Variants in PKHD1 observed in about 807,000 individuals in gnomAD.
PKHD1 encodes the protein PKHD1 ciliary IPT domain containing fibrocystin/polyductin.
PKHD1 carries 291 observed loss-of-function variants against 412.0 expected under a neutral mutation model. The observed-to-expected ratio is 0.71, with a 90% confidence interval of 0.64 to 0.78. PKHD1 has a LOEUF of 0.78. PKHD1 is among the 30% of genes least tolerant of loss of function. PKHD1 has a pLI of 0.00. For synonymous variants in PKHD1, 1,777 were observed against 1,821.5 expected, an observed-to-expected ratio of 0.98 and a Z score of 0.62; for missense variants, 4,825 against 4,950.7, an observed-to-expected ratio of 0.97 and a Z score of 0.76.
chr6:52,033,218 G>A, intron 28 of PKHD1, 53 bp from the exon 29 acceptor site: 1 of 1,392,008 alleles, frequency 7.2e-7, no homozygotes, highest in Non-Finnish European at 1.0e-6. Flanking sequence ...AAGTAGGACT[G>A]ACTTAAGGGA....
chr6:51,989,901 GAGGAAGGAAGGAAGGAAGGA>G, intron 35 of PKHD1, among the ~76,000 whole-genome samples: 2 of 2,742 alleles, frequency 7.3e-4, no homozygotes, highest in Non-Finnish European at 6.5e-4. Flanking sequence ...AGGAAGGAGG[GAGGAAGGAAGGAAGGAAGGA>G]AGGAAGGAAG....
chr6:51,903,013 G>A lies in PKHD1; in HGVS notation c.6996+584C>T, dbSNP rs1781516417. ...GATAGTGAAGGTTTAAAAAGAAATT[G>A]GTATTGGAATCAAGTGAGACAAAAA... On this transcript the variant is annotated intron_variant, in intron 43 of 66. Transcript: ENST00000371117. Among the ~76,000 whole-genome samples the A allele has an allele frequency of 1.3e-5, 2 of 152,034 alleles. 1 individual carries two copies. Among genetic ancestry groups the A allele is most frequent in the Admixed American group, 1.3e-4 (2 of 15,248 alleles).
intron 35 of PKHD1, among the ~76,000 whole-genome samples, chr6:51,963,584 T>C (rs373671245): frequency 7.2e-5 from 11 of 152,246 alleles, no homozygotes; most frequent in Middle Eastern, 3.4e-3. Context: ...CACGTTGCCA[T>C]AAGAATTTTA....
intron 60 of PKHD1, among the ~76,000 whole-genome samples, chr6:51,666,478 T>C (rs1003856679): frequency 3.9e-5 from 6 of 152,310 alleles, no homozygotes; most frequent in East Asian, 1.9e-4. Flanking sequence ...CATAATTTCA[T>C]TGGTAGTTTA....
In PKHD1 at chr6:52,043,709, C is replaced by T. The variant is rs200915954; in HGVS notation, c.2737G>A (p.Val913Ile). The change falls in exon 26 of 67, where the codon GTA becomes ATA. Residue 913 changes from valine (V) to isoleucine (I), a missense_variant. Transcript: ENST00000371117. ...HTQVVVRVND[V>I]PAHCPGSCSF... is the part of the protein sequence containing the mutation. Reference sequence around the variant, plus strand: ...CAGGAACCTGGGCAATGAGCTGGTACATCATTCACTCGCACAACCACCTGA... The same window carrying T: ...CAGGAACCTGGGCAATGAGCTGGTATATCATTCACTCGCACAACCACCTGA... The T allele has an allele frequency of 3.1e-6, 5 of 1,613,492 alleles. No individual in the cohort carries two copies. Among genetic ancestry groups the T allele is most frequent in the Non-Finnish European group, 4.2e-6 (5 of 1,179,472 alleles).
intron 6 of PKHD1, among the ~76,000 whole-genome samples, chr6:52,074,232 C>A (rs1430990794): frequency 6.6e-6 from 1 of 152,166 alleles, no homozygotes; most frequent in Non-Finnish European, 1.5e-5. Flanking sequence ...CTGAATGCCA[C>A]CAAAGAATGT....
chr6:51,799,068 G>A (rs1315318442), intron 52 of PKHD1, among the ~76,000 whole-genome samples: 1 of 152,018 alleles, frequency 6.6e-6, no homozygotes, highest in Non-Finnish European at 1.5e-5. Context: ...ATAACCACTT[G>A]AGAACAGGAA....
chr6:51,756,564 G>C (rs778485066), intron 55 of PKHD1, among the ~76,000 whole-genome samples: 1 of 152,106 alleles, frequency 6.6e-6, no homozygotes, highest in Non-Finnish European at 1.5e-5. Flanking sequence ...TTGTTGAAGA[G>C]CACTGAATTA....
intron 27 of PKHD1, among the ~76,000 whole-genome samples, chr6:52,036,723 A>G (rs1297820703): frequency 6.6e-6 from 1 of 152,258 alleles, no homozygotes; most frequent in African/African-American, 2.4e-5. Flanking sequence ...ATCTGGAAGC[A>G]AACTTCAAAA....
chr6:52,081,200 A>C (rs1289976385), intron 4 of PKHD1, among the ~76,000 whole-genome samples: 1 of 152,222 alleles, frequency 6.6e-6, no homozygotes, highest in Non-Finnish European at 1.5e-5. Flanking sequence ...GGGATAAAGG[A>C]GATAGGACAT....
chr6:51,762,007 T>C (rs1234250192), intron 55 of PKHD1, among the ~76,000 whole-genome samples: 2 of 152,062 alleles, frequency 1.3e-5, no homozygotes, highest in Non-Finnish European at 2.9e-5. Context: ...TCAGGAGTCA[T>C]GTCACTTCTG....
chr6:51,653,824 G>A (rs570350766), intron 61 of PKHD1, among the ~76,000 whole-genome samples: 1 of 152,048 alleles, frequency 6.6e-6, no homozygotes, highest in East Asian at 1.9e-4. Flanking sequence ...AAAATCAGGG[G>A]ACAAAAACCT....
chr6:52,024,730 C>T lies in PKHD1; in HGVS notation c.5080G>A (p.Gly1694Ser), dbSNP rs1388957324. 3.1e-6 allele frequency: 5 copies of T among 1,614,154 alleles called. No individual in the cohort carries two copies. The highest frequency in any genetic ancestry group is 4.2e-6 in the Non-Finnish European group (5 of 1,180,026). The change falls in exon 32 of 67, where the codon GGT becomes AGT. Residue 1694 changes from glycine (G) to serine (S), a missense_variant. Gly to Ser is a moderately conservative substitution (Grantham distance 56, BLOSUM62 0). Coordinates refer to ENST00000371117, the MANE Select transcript of PKHD1 (RefSeq NM_138694.4). ...AGAACGGTGTGGTTACCAGAGACAC[C>T]CACACAGGGTGACATTCCTATAAAA... ...DIFIGMSPCVGVSGNHTVLQC... is the reference protein window; with the variant it reads ...DIFIGMSPCVSVSGNHTVLQC...
In PKHD1 at chr6:52,043,105, T is replaced by C. The variant is rs751019700; in HGVS notation, c.2851A>G (p.Thr951Ala). The change falls in exon 27 of 67, where the codon ACC becomes GCC. Residue 951 changes from threonine (T) to alanine (A), a missense_variant. By Grantham distance (58) the Thr-to-Ala change is moderately conservative. Coordinates refer to ENST00000371117, the MANE Select transcript of PKHD1 (RefSeq NM_138694.4). ...GAGTCACCAGAGAAACCAGTTCCGG[T>C]AATGTAAATCATTAGGTTGATGTCA... ...DGDINLMIYI[T>A]GTGFSGDSQF... 3.1e-6 allele frequency: 5 copies of C among 1,613,284 alleles called. No individual in the cohort carries two copies. Among genetic ancestry groups the C allele is most frequent in the Non-Finnish European group, 4.2e-6 (5 of 1,179,294 alleles).
At chr6:52,028,490 C>T (rs1802565573) in intron 29 of PKHD1, 139 bp from the exon 30 acceptor site, 2 of 785,716 alleles carry the variant, frequency 2.5e-6, no homozygotes, top group Non-Finnish European at 4.1e-6. Context: ...CGATACCAAC[C>T]TAAATTTTTC....
chr6:51,635,235 G>A (rs564373309), intron 64 of PKHD1, among the ~76,000 whole-genome samples: 2 of 152,162 alleles, frequency 1.3e-5, no homozygotes, highest in Non-Finnish European at 2.9e-5. Context: ...CAGCCTAGGG[G>A]GAGATTCTAA....
intron 60 of PKHD1, among the ~76,000 whole-genome samples, chr6:51,735,276 CT>C (rs1375119588): frequency 6.6e-6 from 1 of 152,166 alleles, no homozygotes; most frequent in Non-Finnish European, 1.5e-5. Context: ...CACATTCTAA[CT>C]GTGGGACTGT....
intron 61 of PKHD1, among the ~76,000 whole-genome samples, chr6:51,650,655 T>C (rs550817649): frequency 6.6e-6 from 1 of 152,216 alleles, no homozygotes; most frequent in South Asian, 2.1e-4. Context: ...TCACTAAATA[T>C]GAAGTTTCCA....
chr6:51,648,234 A>T lies in PKHD1; in HGVS notation c.11311-116T>A, dbSNP rs1016476822. 1.2e-5 allele frequency: 8 copies of T among 669,350 alleles called. No homozygotes were observed. The African/African-American group carries it at 1.4e-4, about 12-fold the overall frequency. 41.5% of individuals were successfully genotyped at this position (669,350 alleles called of 1,614,324 possible). A position where few individuals can be genotyped will look rare whatever the true frequency, so the allele number is the denominator to read the frequency against. ...TTTATAAAGCATATATTCAGTAGAA[A>T]TAAAGGAAAGAAAGTGATAAATAAA... On this transcript the variant is annotated intron_variant, in intron 62 of 66. Coordinates refer to ENST00000371117, the MANE Select transcript of PKHD1 (RefSeq NM_138694.4).
Sources: gnomAD v4.1 joint callset for allele counts (sites outside exome capture counted in the v4.1 genomes callset) on GRCh38, gnomAD v4.1.1 for gene constraint, MANE v1.5 for transcripts, NCBI Gene and HGNC (gene_info 2026-07-23, HGNC 2026-07-21) for gene names.